USP15: variants seen among roughly 807,000 people sequenced by gnomAD.
The protein encoded by USP15 is ubiquitin carboxyl-terminal hydrolase 15.
In USP15, 18 loss-of-function variants were observed where a neutral mutation model predicts 127.1. The observed-to-expected ratio is 0.14, with a 90% CI of 0.10 to 0.21. The LOEUF (loss-of-function observed/expected upper bound fraction) is 0.21. Ranked by LOEUF, USP15 falls within the 10% of genes least tolerant of loss-of-function variation. The pLI is 1.00. For missense variants in USP15, 805 were observed against 1,159.9 expected, an observed-to-expected ratio of 0.69 and a Z score of 4.44; for synonymous variants, 364 against 393.7, an observed-to-expected ratio of 0.92 and a Z score of 0.89.
At chr12:62,282,482 C>T (rs1301658604) in intron 1 of USP15, among the ~76,000 whole-genome samples, 2 of 152,066 alleles carry the variant, frequency 1.3e-5, no homozygotes, top group Non-Finnish European at 2.9e-5. Flanking sequence ...TGTACTTACC[C>T]TTTTTGTAAT....
At chr12:62,274,565 A>C (rs1008455795) in intron 1 of USP15, among the ~76,000 whole-genome samples, 3 of 152,034 alleles carry the variant, frequency 2.0e-5, no homozygotes, top group Non-Finnish European at 2.9e-5. Flanking sequence ...GAATCACTTG[A>C]GCTCAGGTGT....
At chr12:62,383,789 A>G in intron 9 of USP15, 51 bp from the exon 10 acceptor site, 1 of 1,567,308 alleles carries the variant, frequency 6.4e-7, no homozygotes, top group Non-Finnish European at 8.6e-7. Flanking sequence ...CATATGTTTA[A>G]AAATCAACCC....
intron 1 of USP15, among the ~76,000 whole-genome samples, chr12:62,278,023 A>G (rs540613804): frequency 1.3e-5 from 2 of 152,340 alleles, no homozygotes; most frequent in East Asian, 3.9e-4. Flanking sequence ...AATACATTAT[A>G]CAGCTGTACA....
intron 5 of USP15, among the ~76,000 whole-genome samples, chr12:62,323,631 T>A (rs1398081003): frequency 2.0e-5 from 3 of 152,194 alleles, no homozygotes; most frequent in Non-Finnish European, 2.9e-5. Flanking sequence ...AGCTCTCTCT[T>A]TCTGTCTTCC....
At chr12:62,261,764 A>G (rs531844262) in intron 1 of USP15, among the ~76,000 whole-genome samples, 69 of 152,234 alleles carry the variant, frequency 4.5e-4, no homozygotes, top group African/African-American at 1.6e-3. Flanking sequence ...TATTGGGATC[A>G]TTTTCAGTTA....
chr12:62,398,382 T>TA (rs1442895659), intron 20 of USP15, among the ~76,000 whole-genome samples: 1 of 152,254 alleles, frequency 6.6e-6, no homozygotes. Flanking sequence ...TTACTCTTCT[T>TA]ACAACTTCTT....
chr12:62,357,224 G>A (rs2066158820), intron 8 of USP15, among the ~76,000 whole-genome samples: 2 of 151,980 alleles, frequency 1.3e-5, no homozygotes, highest in Non-Finnish European at 1.5e-5. Flanking sequence ...TCCTTCTAAA[G>A]CAATACTGCA....
intron 11 of USP15, among the ~76,000 whole-genome samples, chr12:62,387,028 T>G (rs931567085): frequency 6.6e-6 from 1 of 152,056 alleles, no homozygotes; most frequent in Non-Finnish European, 1.5e-5. Flanking sequence ...GTGGAATATA[T>G]AGGAAGAACA....
At chr12:62,397,400 G>C (rs765350975) in intron 20 of USP15, among the ~76,000 whole-genome samples, 1 of 151,806 alleles carries the variant, frequency 6.6e-6, no homozygotes, top group African/African-American at 2.4e-5. Context: ...CATGCATATT[G>C]GTCTATTCAG....
chr12:62,261,612 T>A (rs1366570903), intron 1 of USP15, among the ~76,000 whole-genome samples: 1 of 152,184 alleles, frequency 6.6e-6, no homozygotes, highest in African/African-American at 2.4e-5. Flanking sequence ...CTCATTATCT[T>A]CATGCTGTAA....
At chr12:62,342,419 A>C (rs918856266) in intron 6 of USP15, among the ~76,000 whole-genome samples, 1 of 152,074 alleles carries the variant, frequency 6.6e-6, no homozygotes, top group Non-Finnish European at 1.5e-5. Context: ...TTAATTCATC[A>C]GTCTCAGTCT....
At chr12:62,335,157 T>G in intron 6 of USP15, 1 of 1,535,348 alleles carries the variant, frequency 6.5e-7, no homozygotes, top group Admixed American at 2.0e-5. Flanking sequence ...TTTTTTCTCC[T>G]TTTTCTAGAA....
intron 6 of USP15, among the ~76,000 whole-genome samples, chr12:62,339,202 G>A (rs999757194): frequency 5.9e-5 from 9 of 151,904 alleles, no homozygotes; most frequent in Non-Finnish European, 1.3e-4. Flanking sequence ...GTCTATTTTC[G>A]GTGTATAGGA....
At position 62,391,174 on chromosome 12, in the gene USP15, G is replaced by A; in HGVS notation, c.1978G>A (p.Glu660Lys). ...EGSPSEMETD[E>K]PDDESSQDQE... ...AAAATTAGGTGAAATGGAAACAGATGAGCCAGATGATGAATCCAGCCAGGA... is the reference window on the plus strand; with the variant it reads ...AAAATTAGGTGAAATGGAAACAGATAAGCCAGATGATGAATCCAGCCAGGA... The change falls in exon 16 of 22, where the codon GAG (glutamate) becomes AAG (lysine). Residue 660 changes from glutamate to lysine, a missense_variant. Physicochemically the swap from Glu to Lys is moderately conservative, Grantham distance 56. Transcript: ENST00000280377. 1.2e-6 allele frequency: 2 copies of A among 1,612,514 alleles called. No homozygotes were observed. The highest frequency in any genetic ancestry group is 1.7e-6 in the Non-Finnish European group (2 of 1,179,524).
intron 3 of USP15, among the ~76,000 whole-genome samples, chr12:62,308,271 G>C (rs2064546152): frequency 6.6e-6 from 1 of 152,034 alleles, no homozygotes; most frequent in Non-Finnish European, 1.5e-5. Flanking sequence ...TTGGGGGAAG[G>C]AACTGTGAAT....
chr12:62,356,068 T>G (rs549541840), intron 8 of USP15, among the ~76,000 whole-genome samples: 1 of 151,786 alleles, frequency 6.6e-6, no homozygotes, highest in Admixed American at 6.6e-5. Flanking sequence ...ATGAGAGAGA[T>G]ATATTTTTTA....
intron 6 of USP15, chr12:62,328,366 C>G (rs1336071726): frequency 1.4e-5 from 6 of 431,796 alleles, no homozygotes; most frequent in East Asian, 1.4e-4. Flanking sequence ...GACATCATGT[C>G]AAGACATGGC....
At chr12:62,358,785 A>G (rs1227500057) in intron 8 of USP15, among the ~76,000 whole-genome samples, 4 of 152,238 alleles carry the variant, frequency 2.6e-5, no homozygotes, top group Non-Finnish European at 5.9e-5. Flanking sequence ...AACAATTAAC[A>G]TAGCATTTAC....
chr12:62,381,952 G>A (rs960992808), intron 9 of USP15, among the ~76,000 whole-genome samples: 1 of 151,962 alleles, frequency 6.6e-6, no homozygotes, highest in African/African-American at 2.4e-5. Flanking sequence ...ACAAGAATGA[G>A]TATAGAGACA....
Sources: allele counts gnomAD v4.1 joint callset (sites outside exome capture counted in the v4.1 genomes callset), GRCh38; gene constraint gnomAD v4.1.1; transcripts MANE v1.5; gene names NCBI Gene and HGNC (gene_info 2026-07-23, HGNC 2026-07-21).